MAP2K2: variants seen among roughly 807,000 people sequenced by gnomAD.
MAP2K2 encodes mitogen-activated protein kinase kinase 2.
Under a neutral mutation model 43.7 loss-of-function variants are expected in MAP2K2, and 24 were observed. The observed-to-expected ratio is 0.55, with a 90% CI of 0.40 to 0.77. The LOEUF (loss-of-function observed/expected upper bound fraction) is 0.77. Ranked by LOEUF, MAP2K2 falls within the 30% of genes least tolerant of loss-of-function variation. The pLI, the probability that MAP2K2 is intolerant of heterozygous loss-of-function variation, is 0.00. For missense variants in MAP2K2, 470 were observed against 566.8 expected, an observed-to-expected ratio of 0.83 and a Z score of 1.73; for synonymous variants, 244 against 239.7, an observed-to-expected ratio of 1.02 and a Z score of -0.17.
chr19:4,103,387 T>G (rs2041042422), intron 3 of MAP2K2: 2 of 391,776 alleles, frequency 5.1e-6, no homozygotes, highest in Admixed American at 6.4e-5. Context: ...AGGTGCCTCT[T>G]CAGAGGCAGA....
intron 4 of MAP2K2, 35 bp downstream of exon 4, chr19:4,102,341 G>A (rs372191593): frequency 4.9e-5 from 76 of 1,539,292 alleles, no homozygotes; most frequent in African/African-American, 1.2e-4. Flanking sequence ...TGCAGAGTGC[G>A]GTGGGGGCGC....
In MAP2K2 at chr19:4,101,853, A is replaced by G. The variant is rs1217180560; in HGVS notation, c.528+523T>C. 3.9e-5 allele frequency among the ~76,000 whole-genome samples: 6 copies of G among 152,120 alleles called. No homozygotes were observed. Among genetic ancestry groups the G allele is most frequent in the Non-Finnish European group, 8.8e-5 (6 of 68,022 alleles). ...TCCAACACTGGTATGGGCAGGCGGG[A>G]CTCGGCCCCTGCTATGGACAAGGTG... is the stretch of plus-strand genomic sequence containing the variant. On this transcript the variant is annotated intron_variant, in intron 4 of 10. Transcript: ENST00000262948. This position sits in a 1 kb window ranked among gnomAD's most constrained non-coding sequence, Gnocchi z 6.3.
rs746241325 is a variant in MAP2K2, at chr19:4,102,445, G to T, written c.459C>A (p.Gly153=). 1.3e-5 allele frequency: 21 copies of T among 1,602,640 alleles called. No individual in the cohort carries two copies. Among genetic ancestry groups the T allele is most frequent in the Middle Eastern group, 1.7e-4 (1 of 6,044 alleles). ...CCTCTTTCAGCACCTGGTCCAGGGA[G>T]CCGCCGTCCTAGAGGGCACACAAGG... The part of the protein sequence containing the change: ...ISICMEHMDG[G]SLDQVLKEAK... The change falls in exon 4 of 11, where the codon GGC becomes GGA. Residue 153 remains glycine, a synonymous_variant. Transcript: ENST00000262948.
At chr19:4,116,694 G>A (rs920031778) in intron 2 of MAP2K2, among the ~76,000 whole-genome samples, 3 of 152,008 alleles carry the variant, frequency 2.0e-5, no homozygotes, top group African/African-American at 4.8e-5. Flanking sequence ...ATAGAGAACC[G>A]AGGCAGGCGG....
Position 4,090,423 on chromosome 19 carries a change from CG to C in MAP2K2, c.*174del, listed in dbSNP as rs914394236. The C allele has an allele frequency of 3.1e-6, 2 of 653,666 alleles. No individual in the cohort carries two copies. The highest frequency in any genetic ancestry group is 2.8e-6 in the Non-Finnish European group (1 of 360,804). The allele number at this position is 653,666 out of a possible 1,614,324, so 40.5% of individuals were successfully genotyped here. ...GTCCCCAGAGGCACCCCGGCCAGGA[CG>C]GGCAGGAGAGGAGACCCCCGTTCCT... is the stretch of plus-strand genomic sequence containing the variant. On this transcript the variant is annotated 3_prime_UTR_variant, in exon 11 of 11. Transcript: ENST00000262948.
Position 4,095,379 on chromosome 19 carries a change from T to C in MAP2K2, c.1046+9A>G, listed in dbSNP as rs1373155390. 1 of 1,550,808 alleles carries C rather than the reference T, an allele frequency of 6.4e-7. No individual in the cohort carries two copies. Among genetic ancestry groups the C allele is most frequent in the South Asian group, 1.2e-5 (1 of 84,052 alleles). ...CGGCCAGGGGTGTGGGCAGCCCGGC[T>C]CCACCTACCATTTATTGACAAACTC... On this transcript the variant is annotated intron_variant, in intron 9 of 10. Transcript: ENST00000262948.
chr19:4,123,842 G>A lies in MAP2K2; in HGVS notation c.34C>T (p.Leu12Phe), dbSNP rs2041335933. ...LARRKPVLPA[L>F]TINPTIAEGP... ...TCGGCGATGGTAGGGTTGATGGTGA[G>A]CGCCGGCAGCACCGGCTTCCTCCGG... The change falls in exon 1 of 11, where the codon CTC becomes TTC. Residue 12 changes from leucine to phenylalanine, a missense_variant. Coordinates refer to ENST00000262948, the MANE Select transcript of MAP2K2 (RefSeq NM_030662.4). The A allele has an allele frequency of 6.5e-7, 1 of 1,530,636 alleles. No homozygotes were observed. The highest frequency in any genetic ancestry group is 2.6e-5 in the East Asian group (1 of 37,978). The allele number at this position is 1,530,636 out of a possible 1,614,324, so 94.8% of individuals were successfully genotyped here. A position where few individuals can be genotyped will look rare whatever the true frequency, so the allele number is the denominator to read the frequency against.
At chr19:4,095,089 G>A in intron 9 of MAP2K2, 1 of 406,222 alleles carries the variant, frequency 2.5e-6, no homozygotes, top group Admixed American at 3.9e-5. Context: ...CACACCAGGG[G>A]TCCGGGGACC....
At chr19:4,094,425 G>A (rs538137023) in intron 10 of MAP2K2, 28 bp downstream of exon 10, 13 of 1,552,922 alleles carry the variant, frequency 8.4e-6, no homozygotes, top group Middle Eastern at 1.7e-4. Flanking sequence ...GCACCCTCCC[G>A]GTCCCAGAAC....
rs1461890634 is a variant in MAP2K2, at chr19:4,099,258, C to G, written c.862G>C (p.Glu288Gln). The G allele has an allele frequency of 6.2e-7, 1 of 1,605,990 alleles. No individual in the cohort carries two copies. The highest frequency in any genetic ancestry group is 1.1e-5 in the South Asian group (1 of 89,974). ...GGCGAGATGCTGTGAGGCTCTCCTT[C>G]TTCCCCGTCGACCACGGGCCGGCCA... ...IFGRPVVDGE[E>Q]GEPHSISPRP... is the part of the protein sequence containing the mutation. The change falls in exon 7 of 11, where the codon GAA becomes CAA. Residue 288 changes from glutamate to glutamine, a missense_variant. By Grantham distance (29) the Glu-to-Gln change is conservative. Around this residue, in one of 3 missense-constraint regions of MAP2K2, gnomAD observed 212 missense variants for 220.8 expected, o/e 0.96. Coordinates refer to ENST00000262948, the MANE Select transcript of MAP2K2 (RefSeq NM_030662.4).
In MAP2K2 at chr19:4,090,367, G is replaced by A; in HGVS notation, c.*231C>T. 1 of 599,472 alleles carries A rather than the reference G, an allele frequency of 1.7e-6. No individual in the cohort carries two copies. Among genetic ancestry groups the A allele is most frequent in the East Asian group, 2.8e-5 (1 of 36,192 alleles). 37.1% of individuals were successfully genotyped at this position (599,472 alleles called of 1,614,324 possible). A position where few individuals can be genotyped will look rare whatever the true frequency, so the allele number is the denominator to read the frequency against. On this transcript the variant is annotated 3_prime_UTR_variant, in exon 11 of 11. Transcript: ENST00000262948. The stretch of plus-strand genomic sequence containing the variant: ...TTGTTTTGTAACCTAAGGAAGCAGA[G>A]CCTCTGAGACCACACACAGCAGCGT...
rs185854309 is a variant in MAP2K2, at chr19:4,094,950, C to T, written c.1046+438G>A. On this transcript the variant is annotated intron_variant, in intron 9 of 10. Coordinates refer to ENST00000262948, the MANE Select transcript of MAP2K2 (RefSeq NM_030662.4). ...AGCGGGGTGTCCGCAGCTCCTTCCCCGTGGTCTGCGGCACATGCCTGTGAA... is the reference window on the plus strand; with the variant it reads ...AGCGGGGTGTCCGCAGCTCCTTCCCTGTGGTCTGCGGCACATGCCTGTGAA... The T allele has an allele frequency of 1.9e-4, 67 of 353,846 alleles. No homozygotes were observed. The East Asian group carries it at 2.6e-3, about 14-fold the overall frequency. The allele number at this position is 353,846 out of a possible 1,614,324, so 21.9% of individuals were successfully genotyped here. A position where few individuals can be genotyped will look rare whatever the true frequency, so the allele number is the denominator to read the frequency against.
chr19:4,117,333 G>T, intron 2 of MAP2K2, 86 bp downstream of exon 2: 3 of 1,256,610 alleles, frequency 2.4e-6, no homozygotes, highest in South Asian at 2.5e-5. Context: ...AGAATGCAGA[G>T]ACCCGGCTGC....
At chr19:4,100,995 AGGG>A (rs1337882638) in intron 6 of MAP2K2, 21 bp downstream of exon 6, 1 of 1,550,608 alleles carries the variant, frequency 6.4e-7, no homozygotes, top group East Asian at 2.4e-5. Context: ...GGAGAGCTGG[AGGG>A]GAGAGCCAGC....
chr19:4,102,306 A>G, intron 4 of MAP2K2, 70 bp downstream of exon 4: 2 of 1,365,270 alleles, frequency 1.5e-6, no homozygotes, highest in Non-Finnish European at 2.0e-6. Flanking sequence ...GGCTCCCGGA[A>G]CCCTGGCCGT....
Position 4,123,844 on chromosome 19 carries a change from G to C in MAP2K2, c.32C>G (p.Ala11Gly), listed in dbSNP as rs1555699410. 6.5e-7 allele frequency: 1 copy of C among 1,528,846 alleles called. No homozygotes were observed. 94.7% of individuals were successfully genotyped at this position (1,528,846 alleles called of 1,614,324 possible). MLARRKPVLP[A>G]LTINPTIAEG... is the part of the protein sequence containing the mutation. ...GGCGATGGTAGGGTTGATGGTGAGC[G>C]CCGGCAGCACCGGCTTCCTCCGGGC... is the stretch of plus-strand genomic sequence containing the variant. The change falls in exon 1 of 11, where the codon GCG becomes GGG. Residue 11 changes from alanine (A) to glycine (G), a missense_variant. Around this residue, in one of 3 missense-constraint regions of MAP2K2, gnomAD observed 58 missense variants for 48.0 expected, o/e 1.21. Transcript: ENST00000262948.
At chr19:4,103,326 T>C (rs1401182007) in intron 3 of MAP2K2, 38 of 931,412 alleles carry the variant, frequency 4.1e-5, no homozygotes, top group Non-Finnish European at 4.2e-5. Context: ...GCAACAAACC[T>C]GGGGACCAAA....
At chr19:4,116,354 A>G (rs1230670794) in intron 2 of MAP2K2, among the ~76,000 whole-genome samples, 1 of 151,892 alleles carries the variant, frequency 6.6e-6, no homozygotes, top group African/African-American at 2.4e-5. Flanking sequence ...AACACGGTGA[A>G]CCCCATCTCT....
intron 3 of MAP2K2, among the ~76,000 whole-genome samples, chr19:4,110,128 AC>A (rs1482256905): frequency 6.6e-6 from 1 of 151,954 alleles, no homozygotes; most frequent in Non-Finnish European, 1.5e-5. Flanking sequence ...AGATGGTGAA[AC>A]CCTGTCTCTA....
Sources: gnomAD v4.1 joint callset for allele counts (sites outside exome capture counted in the v4.1 genomes callset) on GRCh38, gnomAD v4.1.1 for gene constraint, gnomAD v4.1.1 regional missense constraint, Gnocchi (gnomAD v3.1) non-coding constraint, MANE v1.5 for transcripts, NCBI Gene and HGNC (gene_info 2026-07-23, HGNC 2026-07-21) for gene names.